Variants in MXRA7 observed in about 807,000 individuals in gnomAD.
MXRA7 encodes the protein matrix remodeling associated 7.
Under a neutral mutation model 17.4 loss-of-function variants are expected in MXRA7, and 18 were observed. The ratio of observed to expected loss-of-function variants is 1.03; its 90% CI spans 0.71 to 1.53. MXRA7 has a LOEUF of 1.53. MXRA7 is among the 40% of genes most tolerant of loss of function. MXRA7 has a pLI of 0.00. For synonymous variants in MXRA7, 70 were observed against 101.7 expected (o/e 0.69, Z 1.87); for missense variants, 141 against 209.3 (o/e 0.67, Z 2.01).
chr17:76,684,743 G>A, intron 3 of MXRA7: 2 of 393,740 alleles, frequency 5.1e-6, no homozygotes, highest in Non-Finnish European at 9.5e-6. Context: ...TCTGCTCCAG[G>A]CTCTTTCCTG....
chr17:76,699,597 T>C (rs1019323073), intron 1 of MXRA7, among the ~76,000 whole-genome samples: 20 of 152,180 alleles, frequency 1.3e-4, no homozygotes, highest in African/African-American at 4.6e-4. Flanking sequence ...TGCCATCAGA[T>C]TGGGTGAGGT....
At position 76,680,490 on chromosome 17, in the gene MXRA7, C is replaced by A. The variant is rs2076287691; in HGVS notation, c.*377G>T. 1 of 1,004,172 alleles carries A rather than the reference C, an allele frequency of 1.0e-6. No homozygotes were observed. The highest frequency in any genetic ancestry group is 1.2e-6 in the Non-Finnish European group (1 of 842,354). 62.2% of individuals were successfully genotyped at this position (1,004,172 alleles called of 1,614,324 possible). On this transcript the variant is annotated 3_prime_UTR_variant, in exon 4 of 4. Transcript: ENST00000449428. ...TTCAGTGAGGGCAAAAGAGGGGAGA[C>A]TGGAGTGAAAGTGAACTCTGCTTTT...
chr17:76,703,835 C>G (rs2143677730), intron 1 of MXRA7: 1 of 152,004 alleles, frequency 6.6e-6, no homozygotes, highest in South Asian at 2.1e-4. Context: ...AATTCAGAGG[C>G]AACATTTGAA....
intron 1 of MXRA7, among the ~76,000 whole-genome samples, chr17:76,691,206 G>A (rs1448505822): frequency 2.0e-5 from 3 of 152,238 alleles, no homozygotes; most frequent in Admixed American, 1.3e-4. Context: ...AGGGTTTGGA[G>A]AGCTTCCAGG....
downstream of MXRA7, chr17:76,675,770 A>G (rs2076235827): frequency 1.3e-5 from 1 of 77,830 alleles, no homozygotes; most frequent in Non-Finnish European, 2.8e-5. Flanking sequence ...AGACACAGAG[A>G]GTGAATGGTC....
intron 1 of MXRA7, among the ~76,000 whole-genome samples, chr17:76,697,484 T>C (rs1447153726): frequency 2.0e-5 from 3 of 152,206 alleles, no homozygotes; most frequent in Non-Finnish European, 2.9e-5. Context: ...AAACAGTGAA[T>C]TGAGACAGGC....
chr17:76,684,392 C>A (rs2076357521), intron 3 of MXRA7, among the ~76,000 whole-genome samples: 1 of 152,142 alleles, frequency 6.6e-6, no homozygotes, highest in Non-Finnish European at 1.5e-5. Flanking sequence ...TGTGGGTGAG[C>A]ACCAGGAGCC....
intron 1 of MXRA7, chr17:76,709,860 G>A (rs1013065792): frequency 2.0e-5 from 3 of 152,822 alleles, no homozygotes; most frequent in Non-Finnish European, 4.4e-5. Context: ...GGACAGCATG[G>A]CGGGAGGCCT....
intron 2 of MXRA7, among the ~76,000 whole-genome samples, chr17:76,685,685 A>G (rs926273160): frequency 5.3e-5 from 8 of 152,234 alleles, no homozygotes; most frequent in African/African-American, 1.9e-4. Flanking sequence ...GAAGAGGCAG[A>G]GCCCGATTTG....
At position 76,701,263 on chromosome 17, in the gene MXRA7, G is replaced by A. The variant is rs147275169; in HGVS notation, c.342+9342C>T. On this transcript the variant is annotated intron_variant, in intron 1 of 3. Coordinates refer to ENST00000449428, the MANE Select transcript of MXRA7 (RefSeq NM_198530.4). ...GCTCTCGGAACACACTCTGGAGAGA[G>A]GTGACCAGAATTGCAGACAGCAGGT... Among the ~76,000 whole-genome samples the A allele has an allele frequency of 9.0e-3, 1,375 of 152,162 alleles. 25 individuals carry two copies. The highest frequency in any genetic ancestry group is 0.031 in the African/African-American group (1,276 of 41,488).
chr17:76,678,677 G>A (rs879020937), downstream of MXRA7, among the ~76,000 whole-genome samples: 4 of 152,144 alleles, frequency 2.6e-5, no homozygotes, highest in Non-Finnish European at 5.9e-5. Context: ...CAGCTGGGTC[G>A]GCTGTAAGCA....
At chr17:76,694,802 G>T (rs1233356887) in intron 1 of MXRA7, among the ~76,000 whole-genome samples, 3 of 152,062 alleles carry the variant, frequency 2.0e-5, no homozygotes, top group Non-Finnish European at 4.4e-5. Flanking sequence ...CCCAGGCTGG[G>T]CTTGAACTCC....
intron 1 of MXRA7, among the ~76,000 whole-genome samples, chr17:76,702,607 T>A (rs1240617101): frequency 6.6e-6 from 1 of 152,162 alleles, no homozygotes; most frequent in Non-Finnish European, 1.5e-5. Flanking sequence ...CCCAGTACTT[T>A]GGGAGGCCAA....
intron 1 of MXRA7, among the ~76,000 whole-genome samples, chr17:76,697,672 G>T (rs898774095): frequency 2.6e-5 from 4 of 152,168 alleles, no homozygotes; most frequent in African/African-American, 9.7e-5. Context: ...AGGCGGGAGG[G>T]GGAAGGCAAA....
At chr17:76,693,457 T>G (rs1051980071) in intron 1 of MXRA7, among the ~76,000 whole-genome samples, 1 of 148,062 alleles carries the variant, frequency 6.8e-6, no homozygotes, top group Non-Finnish European at 1.5e-5. Flanking sequence ...AGACTGGATT[T>G]TTTTTTGAGA....
At chr17:76,708,558 G>GA (rs1334102564) in intron 1 of MXRA7, among the ~76,000 whole-genome samples, 1 of 152,214 alleles carries the variant, frequency 6.6e-6, no homozygotes, top group Admixed American at 6.5e-5. Flanking sequence ...GAAGCTCTTG[G>GA]AAACGCTGGA....
chr17:76,698,217 T>A (rs1468481984), intron 1 of MXRA7, among the ~76,000 whole-genome samples: 1 of 152,130 alleles, frequency 6.6e-6, no homozygotes, highest in Non-Finnish European at 1.5e-5. Context: ...AGGATGGAGA[T>A]AACAGGAAGG....
At chr17:76,688,017 C>T in intron 2 of MXRA7, 96 bp downstream of exon 2, 1 of 1,046,994 alleles carries the variant, frequency 9.6e-7, no homozygotes, top group Non-Finnish European at 1.4e-6. Flanking sequence ...CATCCCTCCC[C>T]TCGGCACTCG....
Position 76,702,872 on chromosome 17 carries a change from CGT to C in MXRA7, c.342+7731_342+7732del, listed in dbSNP as rs2076607722. 1.4e-5 allele frequency among the ~76,000 whole-genome samples: 2 copies of C among 147,234 alleles called. 1 individual carries two copies. Among genetic ancestry groups the C allele is most frequent in the Non-Finnish European group, 3.0e-5 (2 of 67,218 alleles). On this transcript the variant is annotated intron_variant, in intron 1 of 3. Transcript: ENST00000449428. Reference sequence around the variant, plus strand: ...CTCTTAAAATAAATATATATATATACGTATATATATATATATATCTTGAGGAG... The same window carrying C: ...CTCTTAAAATAAATATATATATATACATATATATATATATATCTTGAGGAG...
Sources: allele counts gnomAD v4.1 joint callset (sites outside exome capture counted in the v4.1 genomes callset), GRCh38; gene constraint gnomAD v4.1.1; transcripts MANE v1.5; gene names NCBI Gene and HGNC (gene_info 2026-07-23, HGNC 2026-07-21).